Variants in PSD3 observed in about 807,000 individuals in gnomAD.
The protein encoded by PSD3 is pleckstrin and Sec7 domain containing 3, also known as PH and SEC7 domain-containing protein 3.
In PSD3, 49 loss-of-function variants were observed where a neutral mutation model predicts 105.5. That is an observed-to-expected ratio of 0.46 (90% CI 0.37 to 0.59). PSD3 has a LOEUF of 0.59. Among genes scored for constraint, PSD3 ranks in the 20% least tolerant of loss-of-function variants. The pLI is 0.00. For missense variants in PSD3, 1,561 were observed against 1,263.8 expected (o/e 1.24, Z -3.57); for synonymous variants, 557 against 457.8 (o/e 1.22, Z -2.77).
At chr8:18,722,947 T>G (rs1803097206) in intron 9 of PSD3, among the ~76,000 whole-genome samples, 1 of 152,220 alleles carries the variant, frequency 6.6e-6, no homozygotes, top group Admixed American at 6.5e-5. Flanking sequence ...GCTAGCTGTT[T>G]TACATGTTAT....
intron 11 of PSD3, among the ~76,000 whole-genome samples, chr8:18,606,686 G>A (rs1209927104): frequency 6.6e-6 from 1 of 152,050 alleles, no homozygotes; most frequent in Non-Finnish European, 1.5e-5. Context: ...GGAACAAGGG[G>A]AACCAGTAAG....
At chr8:18,749,597 T>C (rs544474258) in intron 9 of PSD3, among the ~76,000 whole-genome samples, 7 of 152,300 alleles carry the variant, frequency 4.6e-5, no homozygotes, top group Admixed American at 6.5e-5. Flanking sequence ...TTCTGGATTA[T>C]CTGGGTGGGC....
chr8:18,943,271 A>G (rs35486020), intron 1 of PSD3, among the ~76,000 whole-genome samples: 38,261 of 152,030 alleles, frequency 0.25, 5,073 homozygotes, highest in South Asian at 0.38. Context: ...GGGAAGGGAG[A>G]CGTCCAGTGT....
rs1363130639 is a variant in PSD3 at position 18,867,829 on chromosome 8, C to T, written c.1479G>A (p.Leu493=). 2 of 1,614,156 alleles carry T rather than the reference C, an allele frequency of 1.2e-6. No individual in the cohort carries two copies. Among genetic ancestry groups the T allele is most frequent in the Non-Finnish European group, 1.7e-6 (2 of 1,180,018 alleles). ...GATGTCCTCCCCCTGATGTCCTCTC[C>T]AAGAACTGACCACCTTCTTTAATGC... ...QQRIKEGGQF[L]ERTSGGGHQD... is the part of the protein sequence containing the mutation. Residue 493 remains leucine, a synonymous_variant, in exon 4 of 16, where the codon TTG becomes TTA. Coordinates refer to ENST00000327040, the MANE Select transcript of PSD3 (RefSeq NM_015310.4).
chr8:19,045,159 A>G (rs1896204), intron 1 of PSD3, among the ~76,000 whole-genome samples: 108,345 of 151,996 alleles, frequency 0.71, 39,407 homozygotes, highest in African/African-American at 0.87. Flanking sequence ...CACTTCAGCC[A>G]GGGTGACGGA....
intron 1 of PSD3, among the ~76,000 whole-genome samples, chr8:18,996,814 A>G (rs1180305128): frequency 6.6e-6 from 1 of 151,838 alleles, no homozygotes; most frequent in African/African-American, 2.4e-5. Context: ...ACTGATCAAC[A>G]TTTGGTCCCC....
At chr8:18,745,374 G>C (rs912132590) in intron 9 of PSD3, among the ~76,000 whole-genome samples, 1 of 152,052 alleles carries the variant, frequency 6.6e-6, no homozygotes, top group African/African-American at 2.4e-5. Flanking sequence ...TTTTTAAAAT[G>C]TATTCAACGG....
At position 18,837,785 on chromosome 8, in the gene PSD3, T is replaced by G. The variant is rs539308310; in HGVS notation, c.1634+29889A>C. On this transcript the variant is annotated intron_variant, in intron 4 of 15. Transcript: ENST00000327040. ...AAGACCCCGTCCCTATATATTTAAT[T>G]AAAATTTAAACATATTTAAAAAAAT... 2.6e-5 allele frequency among the ~76,000 whole-genome samples: 4 copies of G among 152,210 alleles called. No homozygotes were observed. In the South Asian group the frequency reaches 8.3e-4, roughly 32 times the overall value.
intron 2 of PSD3, among the ~76,000 whole-genome samples, chr8:18,875,044 T>C (rs1190635701): frequency 6.6e-6 from 1 of 152,100 alleles, no homozygotes; most frequent in Non-Finnish European, 1.5e-5. Context: ...GCCTCTCGGG[T>C]AGCTGGGACC....
chr8:18,630,850 A>C (rs1000201382), intron 11 of PSD3, among the ~76,000 whole-genome samples: 5 of 151,710 alleles, frequency 3.3e-5, no homozygotes, highest in African/African-American at 1.2e-4. Context: ...CATAACAACT[A>C]TTTACACAGT....
At chr8:19,057,460 T>C (rs1414960044) in intron 1 of PSD3, among the ~76,000 whole-genome samples, 1 of 152,222 alleles carries the variant, frequency 6.6e-6, no homozygotes, top group Non-Finnish European at 1.5e-5. Context: ...TCACGCCTTC[T>C]GTGTTCTTTG....
intron 1 of PSD3, among the ~76,000 whole-genome samples, chr8:19,051,130 C>T (rs1288071517): frequency 1.3e-5 from 2 of 152,148 alleles, no homozygotes; most frequent in Admixed American, 1.3e-4. Flanking sequence ...GCATAAAGAC[C>T]TTCAGCATCT....
intron 8 of PSD3, among the ~76,000 whole-genome samples, chr8:18,791,007 C>A (rs911730913): frequency 6.6e-6 from 1 of 152,148 alleles, no homozygotes; most frequent in South Asian, 2.1e-4. Context: ...CCTAGGAATA[C>A]AGCTAACAAG....
At chr8:18,975,489 G>A (rs946963160) in intron 1 of PSD3, among the ~76,000 whole-genome samples, 5 of 151,860 alleles carry the variant, frequency 3.3e-5, no homozygotes, top group Admixed American at 2.0e-4. Flanking sequence ...TTACAACTAT[G>A]GAACTAGAGA....
At chr8:18,723,086 C>T (rs902636270) in intron 9 of PSD3, among the ~76,000 whole-genome samples, 12 of 152,080 alleles carry the variant, frequency 7.9e-5, no homozygotes, top group African/African-American at 2.7e-4. Flanking sequence ...AAGAAACAAA[C>T]GAACAAACAA....
chr8:19,053,689 G>A (rs1421769399), intron 1 of PSD3, among the ~76,000 whole-genome samples: 2 of 152,030 alleles, frequency 1.3e-5, no homozygotes, highest in Non-Finnish European at 2.9e-5. Context: ...CTACTCAGGA[G>A]GCTGAGGCAG....
chr8:18,571,647 G>A (rs1802147603), intron 14 of PSD3, among the ~76,000 whole-genome samples: 1 of 152,162 alleles, frequency 6.6e-6, no homozygotes, highest in South Asian at 2.1e-4. Context: ...ATGTACAACA[G>A]GCACACAATA....
chr8:19,026,869 GC>G (rs565879418), intron 1 of PSD3, among the ~76,000 whole-genome samples: 11 of 151,480 alleles, frequency 7.3e-5, no homozygotes, highest in Non-Finnish European at 1.6e-4. Flanking sequence ...GCAAGAGCCT[GC>G]CCCCCCACCC....
At chr8:18,906,187 AT>A (rs1819837599) in intron 2 of PSD3, among the ~76,000 whole-genome samples, 1 of 152,220 alleles carries the variant, frequency 6.6e-6, no homozygotes, top group African/African-American at 2.4e-5. Context: ...CTGACAAAAA[AT>A]ATCAGATAAA....
Sources: gnomAD v4.1 joint callset for allele counts (sites outside exome capture counted in the v4.1 genomes callset) on GRCh38, gnomAD v4.1.1 for gene constraint, MANE v1.5 for transcripts, NCBI Gene and HGNC (gene_info 2026-07-23, HGNC 2026-07-21) for gene names.